Variants in GOLGA3 observed in about 807,000 individuals in gnomAD.
The protein encoded by GOLGA3 is golgin A3.
A neutral mutation model predicts 169.4 loss-of-function variants in GOLGA3; 75 were observed. That is an observed-to-expected ratio of 0.44 (90% CI 0.37 to 0.54). The LOEUF (loss-of-function observed/expected upper bound fraction) is 0.54. GOLGA3 is among the 20% of genes least tolerant of loss of function. GOLGA3 has a pLI of 0.00. For synonymous variants in GOLGA3, 824 were observed against 822.4 expected, an observed-to-expected ratio of 1.00 and a Z score of -0.03; for missense variants, 1,899 against 1,930.0, an observed-to-expected ratio of 0.98 and a Z score of 0.30.
rs1265897446 is a variant in GOLGA3 at position 132,808,911 on chromosome 12, A to C, written c.520-362T>G. 3.9e-5 allele frequency among the ~76,000 whole-genome samples: 6 copies of C among 152,240 alleles called. No individual in the cohort carries two copies. The South Asian group carries it at 1.2e-3, about 31-fold the overall frequency. On this transcript the variant is annotated intron_variant, in intron 4 of 23. Transcript: ENST00000450791. The stretch of plus-strand genomic sequence containing the variant: ...CCTGTGTGCGGCGACGAGAGTGTAG[A>C]AATAAAGACACAAGACAAAGAGACA...
At position 132,808,010 on chromosome 12, in the gene GOLGA3, A is replaced by G. The variant is rs1949504351; in HGVS notation, c.1059T>C (p.Asp353=). The change falls in exon 5 of 24, where the codon GAT becomes GAC. Residue 353 remains aspartate, a synonymous_variant. Transcript: ENST00000450791. ...YMVNGQEIPA[D]TLGQFPSIKD... ...TAATGGAGGGGAACTGGCCCAGGGT[A>G]TCCGCAGGAATCTCCTGGCCGTTGA... 1.2e-6 allele frequency: 2 copies of G among 1,611,140 alleles called. No individual in the cohort carries two copies. The highest frequency in any genetic ancestry group is 1.7e-6 in the Non-Finnish European group (2 of 1,178,668).
intron 1 of GOLGA3, chr12:132,825,820 T>C (rs878984435): frequency 9.9e-6 from 11 of 1,115,670 alleles, no homozygotes; most frequent in East Asian, 4.7e-5. Flanking sequence ...ACAAGAACAT[T>C]GGTCTGGGCT....
At chr12:132,813,582 C>T (rs1362450870) in intron 3 of GOLGA3, among the ~76,000 whole-genome samples, 163 bp from the exon 4 acceptor site, 1 of 152,178 alleles carries the variant, frequency 6.6e-6, no homozygotes, top group African/African-American at 2.4e-5. Flanking sequence ...CAAGAGAGAA[C>T]TGTGAGCCCC....
rs370568931 is a variant in GOLGA3 at position 132,782,504 on chromosome 12, C to T, written c.3268-11G>A. Reference sequence around the variant, plus strand: ...TCTGGATTCTTGAAGCTGAAACATACCAATGTCACTGTAAAATTACCTGCA... The same window carrying T: ...TCTGGATTCTTGAAGCTGAAACATATCAATGTCACTGTAAAATTACCTGCA... On this transcript the variant is annotated splice_polypyrimidine_tract_variant and intron_variant, in intron 16 of 23. Coordinates refer to ENST00000450791, the MANE Select transcript of GOLGA3 (RefSeq NM_001389683.1). 24 of 1,604,304 alleles carry T rather than the reference C, an allele frequency of 1.5e-5. No homozygotes were observed. In the African/African-American group the frequency reaches 3.2e-4, roughly 21 times the overall value.
At chr12:132,786,947 C>T (rs976413011) in intron 13 of GOLGA3, among the ~76,000 whole-genome samples, 160 bp from the exon 14 acceptor site, 9 of 151,360 alleles carry the variant, frequency 5.9e-5, no homozygotes, top group Non-Finnish European at 1.3e-4. Context: ...TGCCTTCTTA[C>T]AAACCACTCT....
At position 132,769,004 on chromosome 12, in the gene GOLGA3, C is replaced by A. The variant is rs1167433599; in HGVS notation, c.*4101G>T. Reference sequence around the variant, plus strand: ...AAAATCAACGTGCTTTTTAAAGTTACACTTTGTCAGACACGGTGACCCCTT... The same window carrying A: ...AAAATCAACGTGCTTTTTAAAGTTAAACTTTGTCAGACACGGTGACCCCTT... On this transcript the variant is annotated 3_prime_UTR_variant, in exon 24 of 24. Coordinates refer to ENST00000450791, the MANE Select transcript of GOLGA3 (RefSeq NM_001389683.1). The A allele has an allele frequency of 6.6e-6, 1 of 152,670 alleles. No individual in the cohort carries two copies. The highest frequency in any genetic ancestry group is 6.5e-5 in the Admixed American group (1 of 15,284). The allele number at this position is 152,670 out of a possible 1,614,324, so 9.5% of individuals were successfully genotyped here.
intron 2 of GOLGA3, among the ~76,000 whole-genome samples, chr12:132,818,112 ACTCCTC>A (rs1950067758): frequency 1.5e-5 from 2 of 135,732 alleles, no homozygotes; most frequent in African/African-American, 3.0e-5. Flanking sequence ...CCCCCCCTCC[ACTCCTC>A]CATGCTCTAA....
rs941384354 is a variant in GOLGA3 at position 132,804,133 on chromosome 12, G to A, written c.1597+583C>T. Among the ~76,000 whole-genome samples, 2 of 152,196 alleles carry A rather than the reference G, an allele frequency of 1.3e-5. No homozygotes were observed. Among genetic ancestry groups the A allele is most frequent in the Admixed American group, 6.5e-5 (1 of 15,280 alleles). On this transcript the variant is annotated intron_variant, in intron 7 of 23. Coordinates refer to ENST00000450791, the MANE Select transcript of GOLGA3 (RefSeq NM_001389683.1). The surrounding 1 kb of genome is among the most constrained non-coding windows in gnomAD (Gnocchi z 4.1). Reference sequence around the variant, plus strand: ...ACTGCCCTACTTGTACTCTCTGGGCGAGCCCTATAGGGAGGCAGCTGGACC... The same window carrying A: ...ACTGCCCTACTTGTACTCTCTGGGCAAGCCCTATAGGGAGGCAGCTGGACC...
rs569988314 is a variant in GOLGA3, at chr12:132,828,858, T to C, written c.-239A>G. On this transcript the variant is annotated 5_prime_UTR_variant, in exon 1 of 24. Transcript: ENST00000450791. ...CGGCCCGGATGCTCCGGCGGAGACG[T>C]GGCCGTGAGAGGGGCGGGGCGAGCG... is the stretch of plus-strand genomic sequence containing the variant. 1.3e-5 allele frequency: 2 copies of C among 152,322 alleles called. No homozygotes were observed. The highest frequency in any genetic ancestry group is 1.9e-4 in the East Asian group (1 of 5,180). 9.4% of individuals were successfully genotyped at this position (152,322 alleles called of 1,614,324 possible).
intron 8 of GOLGA3, among the ~76,000 whole-genome samples, chr12:132,800,183 G>A (rs548238648): frequency 3.3e-5 from 5 of 152,222 alleles, no homozygotes; most frequent in African/African-American, 9.6e-5. Context: ...ATGCTTTTCC[G>A]TATTGTTCTT....
At position 132,789,186 on chromosome 12, in the gene GOLGA3, C is replaced by T; in HGVS notation, c.2652G>A (p.Arg884=). 6.2e-7 allele frequency: 1 copy of T among 1,611,806 alleles called. No individual in the cohort carries two copies. Among genetic ancestry groups the T allele is most frequent in the Non-Finnish European group, 8.5e-7 (1 of 1,180,018 alleles). The change falls in exon 13 of 24, where the codon CGG becomes CGA. Residue 884 remains arginine (R), a synonymous_variant. Transcript: ENST00000450791. ...CCCCGTGCACTTGCATCAGCTCCTG[C>T]CGCAGCTCCTTCAGCTCCGAGTCCA... The part of the protein sequence containing the change: ...KRLDSELKEL[R]QELMQVHGEK...
chr12:132,785,479 A>G (rs1436861573), intron 15 of GOLGA3, among the ~76,000 whole-genome samples: 2 of 151,986 alleles, frequency 1.3e-5, no homozygotes, highest in Admixed American at 6.6e-5. Flanking sequence ...CCTGGGTTTT[A>G]TTTTTGTATT....
At chr12:132,780,145 TAC>T (rs1241872615) in intron 18 of GOLGA3, among the ~76,000 whole-genome samples, 2 of 118,840 alleles carry the variant, frequency 1.7e-5, no homozygotes, top group Admixed American at 8.8e-5. Context: ...CACACGTGTG[TAC>T]AGACATCACA....
intron 11 of GOLGA3, among the ~76,000 whole-genome samples, chr12:132,793,862 A>G (rs1948682010): frequency 2.0e-5 from 3 of 152,210 alleles, no homozygotes; most frequent in African/African-American, 7.2e-5. Flanking sequence ...CAGTGCACAC[A>G]CACATGGGGC....
intron 11 of GOLGA3, among the ~76,000 whole-genome samples, chr12:132,792,180 G>T (rs957655944): frequency 4.6e-5 from 7 of 152,228 alleles, no homozygotes; most frequent in Non-Finnish European, 2.9e-5. Flanking sequence ...GACGGGAACT[G>T]GTGGTTCCTA....
At chr12:132,805,794 G>C (rs986276381) in intron 6 of GOLGA3, among the ~76,000 whole-genome samples, 1 of 152,272 alleles carries the variant, frequency 6.6e-6, no homozygotes, top group Non-Finnish European at 1.5e-5. Context: ...GAGGACACTG[G>C]AAACGTGTTC....
chr12:132,777,521 T>G lies in GOLGA3; in HGVS notation c.3722+145A>C. On this transcript the variant is annotated intron_variant, in intron 19 of 23. Transcript: ENST00000450791. This position sits in a 1 kb window ranked among gnomAD's most constrained non-coding sequence, Gnocchi z 4.7. ...GGCTCAGGATTCTGGAGACGGAGGC[T>G]GGGTGCCTTCTACTCCTATGATTCA... 1 of 818,626 alleles carries G rather than the reference T, an allele frequency of 1.2e-6. No individual in the cohort carries two copies. The highest frequency in any genetic ancestry group is 1.9e-6 in the Non-Finnish European group (1 of 524,844). 50.7% of individuals were successfully genotyped at this position (818,626 alleles called of 1,614,324 possible). A position where few individuals can be genotyped will look rare whatever the true frequency, so the allele number is the denominator to read the frequency against.
rs10553966 is a variant in GOLGA3, at chr12:132,770,232, CAAA to C, written c.*2870_*2872del. 9.1e-3 allele frequency: 1,240 copies of C among 135,722 alleles called. 10 individuals are homozygous for C. The highest frequency in any genetic ancestry group is 0.014 in the African/African-American group (519 of 36,514). 8.4% of individuals were successfully genotyped at this position (135,722 alleles called of 1,614,324 possible). Reference sequence around the variant, plus strand: ...TGGGCGACAGAGCGAGACTCTGTCTCAAAAAAAAAAAAAAAAAATTCCAACTTC... The same window carrying C: ...TGGGCGACAGAGCGAGACTCTGTCTCAAAAAAAAAAAAAAATTCCAACTTC... On this transcript the variant is annotated 3_prime_UTR_variant, in exon 24 of 24. Coordinates refer to ENST00000450791, the MANE Select transcript of GOLGA3 (RefSeq NM_001389683.1).
chr12:132,794,586 T>C (rs780488176), intron 11 of GOLGA3, among the ~76,000 whole-genome samples: 8 of 152,218 alleles, frequency 5.3e-5, no homozygotes, highest in Non-Finnish European at 1.0e-4. Flanking sequence ...TAACTGCCAG[T>C]AATGACAACA....
Sources: gnomAD v4.1 joint callset for allele counts (sites outside exome capture counted in the v4.1 genomes callset) on GRCh38, gnomAD v4.1.1 for gene constraint, Gnocchi (gnomAD v3.1) non-coding constraint, MANE v1.5 for transcripts, NCBI Gene and HGNC (gene_info 2026-07-23, HGNC 2026-07-21) for gene names.